Variants in NPNT observed in about 807,000 individuals in gnomAD.
NPNT encodes the protein nephronectin, also known as preosteoblast EGF-like repeat protein with MAM domain.
NPNT carries 45 observed loss-of-function variants against 68.6 expected under a neutral mutation model. The ratio of observed to expected loss-of-function variants is 0.66; its 90% CI spans 0.52 to 0.84. The LOEUF is 0.84. Ranked by LOEUF, NPNT falls within the 40% of genes least tolerant of loss-of-function variation. NPNT has a pLI of 0.00. For missense variants in NPNT, 672 were observed against 714.8 expected (o/e 0.94, Z 0.68); for synonymous variants, 233 against 253.3 (o/e 0.92, Z 0.76).
chr4:105,899,725 A>T (rs564070701), intron 2 of NPNT, among the ~76,000 whole-genome samples: 1 of 152,356 alleles, frequency 6.6e-6, no homozygotes, highest in South Asian at 2.1e-4. Context: ...AAAAGGCACA[A>T]ATGGTTCTTT....
intron 3 of NPNT, among the ~76,000 whole-genome samples, chr4:105,933,900 A>G (rs1729318548): frequency 6.6e-6 from 1 of 152,206 alleles, no homozygotes; most frequent in African/African-American, 2.4e-5. Flanking sequence ...TATACATAAT[A>G]ACTGAAGCAT....
chr4:105,962,439 A>G (rs1312678611), intron 10 of NPNT, among the ~76,000 whole-genome samples: 1 of 152,022 alleles, frequency 6.6e-6, no homozygotes, highest in Non-Finnish European at 1.5e-5. Context: ...ATACAGGGAG[A>G]TTCATTTTGG....
chr4:105,904,558 A>T (rs1726718352), intron 2 of NPNT, among the ~76,000 whole-genome samples: 1 of 152,200 alleles, frequency 6.6e-6, no homozygotes, highest in African/African-American at 2.4e-5. Flanking sequence ...GAATGGAGTG[A>T]GATGTGTCCA....
rs764538249 is a variant in NPNT, at chr4:105,969,004, A to C, written c.*14A>C. On this transcript the variant is annotated 3_prime_UTR_variant, in exon 12 of 12. Coordinates refer to ENST00000379987, the MANE Select transcript of NPNT (RefSeq NM_001033047.3). Reference sequence around the variant, plus strand: ...GAAGAACGCTAACAACTCCAGAACTAACAATGAACTCCTATGTTGCTCTAT... The same window carrying C: ...GAAGAACGCTAACAACTCCAGAACTCACAATGAACTCCTATGTTGCTCTAT... 6.8e-6 allele frequency: 10 copies of C among 1,480,990 alleles called. No homozygotes were observed. The highest frequency in any genetic ancestry group is 1.4e-5 in the African/African-American group (1 of 72,236). 91.7% of individuals were successfully genotyped at this position (1,480,990 alleles called of 1,614,324 possible).
At chr4:105,967,094 A>AT in intron 10 of NPNT, 94 bp from the exon 11 acceptor site, 1 of 1,208,306 alleles carries the variant, frequency 8.3e-7, no homozygotes, top group Non-Finnish European at 1.2e-6. Context: ...TACAAAGAAA[A>AT]GAAAAAAAAA....
Position 105,971,213 on chromosome 4 carries a change from G to T in NPNT, c.*2223G>T. On this transcript the variant is annotated 3_prime_UTR_variant, in exon 12 of 12. Coordinates refer to ENST00000379987, the MANE Select transcript of NPNT (RefSeq NM_001033047.3). ...CTTGGCTGCTGAGAAAGAGTGCCCT[G>T]CCCCACACCGGCAGACCTTTCCTTC... The T allele has an allele frequency of 2.2e-6, 1 of 453,400 alleles. No homozygotes were observed. The highest frequency in any genetic ancestry group is 1.6e-5 in the South Asian group (1 of 64,144). The allele number at this position is 453,400 out of a possible 1,614,324, so 28.1% of individuals were successfully genotyped here.
chr4:105,926,598 G>A (rs968296132), intron 2 of NPNT, among the ~76,000 whole-genome samples: 2 of 152,088 alleles, frequency 1.3e-5, no homozygotes, highest in Admixed American at 1.3e-4. Flanking sequence ...GAGAATAAAC[G>A]GAATAAATTC....
chr4:105,901,729 C>T (rs536371878), intron 2 of NPNT, among the ~76,000 whole-genome samples: 1 of 152,266 alleles, frequency 6.6e-6, no homozygotes, highest in Admixed American at 6.5e-5. Flanking sequence ...TACAGATTGA[C>T]CTTGCTTAGT....
At chr4:105,955,737 A>G (rs1464029641) in intron 8 of NPNT, among the ~76,000 whole-genome samples, 1 of 152,016 alleles carries the variant, frequency 6.6e-6, no homozygotes, top group African/African-American at 2.4e-5. Context: ...ATAATAACAT[A>G]ATACTGCTTG....
At chr4:105,920,195 C>G (rs550298273) in intron 2 of NPNT, among the ~76,000 whole-genome samples, 2 of 151,854 alleles carry the variant, frequency 1.3e-5, no homozygotes, top group South Asian at 4.2e-4. Context: ...CTCCTCCAAG[C>G]CAGCTTCTAT....
intron 8 of NPNT, among the ~76,000 whole-genome samples, chr4:105,943,848 ATTC>A (rs749193000): frequency 8.5e-5 from 13 of 152,114 alleles, no homozygotes; most frequent in Non-Finnish European, 1.8e-4. Flanking sequence ...GACATTTATT[ATTC>A]TTTAAAGGGG....
At chr4:105,959,886 T>C (rs1018061721) in intron 10 of NPNT, among the ~76,000 whole-genome samples, 1 of 150,494 alleles carries the variant, frequency 6.6e-6, no homozygotes, top group Non-Finnish European at 1.5e-5. Context: ...CTCGGCTCAC[T>C]GCAACCTCTG....
intron 3 of NPNT, among the ~76,000 whole-genome samples, chr4:105,930,513 T>C (rs559060474): frequency 6.6e-6 from 1 of 152,312 alleles, no homozygotes; most frequent in Admixed American, 6.5e-5. Context: ...CATAGCAGAT[T>C]AACTTAAACT....
intron 5 of NPNT, among the ~76,000 whole-genome samples, chr4:105,939,549 T>G (rs1366680292): frequency 6.6e-6 from 1 of 152,190 alleles, no homozygotes; most frequent in Non-Finnish European, 1.5e-5. Context: ...ACAGTAATGA[T>G]TTGATTGTAT....
At chr4:105,910,517 G>T (rs933627546) in intron 2 of NPNT, among the ~76,000 whole-genome samples, 16 of 145,888 alleles carry the variant, frequency 1.1e-4, no homozygotes, top group Admixed American at 9.3e-4. Flanking sequence ...AAAAAAAATT[G>T]TATGTAAGGC....
intron 2 of NPNT, among the ~76,000 whole-genome samples, chr4:105,920,150 T>G (rs1728141885): frequency 6.6e-6 from 1 of 151,910 alleles, no homozygotes; most frequent in Non-Finnish European, 1.5e-5. Context: ...TTATTCTTCT[T>G]GATGCTCAAA....
intron 2 of NPNT, among the ~76,000 whole-genome samples, chr4:105,904,729 C>G (rs1265006390): frequency 6.6e-6 from 1 of 152,030 alleles, no homozygotes; most frequent in Non-Finnish European, 1.5e-5. Flanking sequence ...GTTGCCCAGG[C>G]TGGAGTGCTG....
At chr4:105,936,417 C>A (rs937344753) in intron 3 of NPNT, among the ~76,000 whole-genome samples, 33 of 146,790 alleles carry the variant, frequency 2.2e-4, no homozygotes, top group African/African-American at 8.2e-4. Context: ...TCGTTCTTAT[C>A]CTCTGAAAAT....
In NPNT at chr4:105,970,731, A is replaced by G; in HGVS notation, c.*1741A>G. On this transcript the variant is annotated 3_prime_UTR_variant, in exon 12 of 12. Coordinates refer to ENST00000379987, the MANE Select transcript of NPNT (RefSeq NM_001033047.3). ...ATTTAAGATGGTTAAAGATGTTCTTACCCAAGGAAAAGTAACAAATTATAG... is the reference window on the plus strand; with the variant it reads ...ATTTAAGATGGTTAAAGATGTTCTTGCCCAAGGAAAAGTAACAAATTATAG... 1 of 404,154 alleles carries G rather than the reference A, an allele frequency of 2.5e-6. No individual in the cohort carries two copies. The highest frequency in any genetic ancestry group is 4.7e-6 in the Non-Finnish European group (1 of 214,178). 25.0% of individuals were successfully genotyped at this position (404,154 alleles called of 1,614,324 possible).
Sources: allele counts gnomAD v4.1 joint callset (sites outside exome capture counted in the v4.1 genomes callset), GRCh38; gene constraint gnomAD v4.1.1; transcripts MANE v1.5; gene names NCBI Gene and HGNC (gene_info 2026-07-23, HGNC 2026-07-21).